Variants in ZFP90 observed in about 807,000 individuals in gnomAD.
ZFP90 encodes zinc finger protein 90 homolog.
A neutral mutation model predicts 60.8 loss-of-function variants in ZFP90; 38 were observed. The ratio of observed to expected loss-of-function variants is 0.62; its 90% CI spans 0.48 to 0.82. ZFP90 has a LOEUF of 0.82. ZFP90 is among the 40% of genes least tolerant of loss of function. ZFP90 has a pLI of 0.00. For synonymous variants in ZFP90, 287 were observed against 264.8 expected (o/e 1.08, Z -0.82); for missense variants, 711 against 759.1 (o/e 0.94, Z 0.74).
rs780417953 is a variant in ZFP90, at chr16:68,564,318, A to G, written c.1531A>G (p.Ser511Gly). The change falls in exon 5 of 5, where the codon AGT becomes GGT. Residue 511 changes from serine to glycine, a missense_variant. By Grantham distance (56) the Ser-to-Gly change is moderately conservative. Transcript: ENST00000563169. Reference sequence around the variant, plus strand: ...TGGGAAAGCTTTCAAAAGGAGTACAAGTTTCATAGAGCATCACAGAATTCA... The same window carrying G: ...TGGGAAAGCTTTCAAAAGGAGTACAGGTTTCATAGAGCATCACAGAATTCA... ...VCGKAFKRST[S>G]FIEHHRIHTG... The G allele has an allele frequency of 1.2e-5, 20 of 1,613,914 alleles. No individual in the cohort carries two copies. The highest frequency in any genetic ancestry group is 3.3e-5 in the South Asian group (3 of 91,084).
chr16:68,559,180 C>G (rs1567407171), intron 4 of ZFP90, among the ~76,000 whole-genome samples: 1 of 152,146 alleles, frequency 6.6e-6, no homozygotes, highest in Admixed American at 6.5e-5. Flanking sequence ...TTCTAGCCTC[C>G]TTTCTTGATT....
At chr16:68,538,718 A>AAG (rs397934885), upstream of ZFP90, among the ~76,000 whole-genome samples, 4 of 151,592 alleles carry the variant, frequency 2.6e-5, no homozygotes, top group African/African-American at 7.3e-5. Context: ...AAAAAAAAAA[A>AAG]GAAAATTTCC....
At chr16:68,544,637 A>G (rs753000646) in intron 2 of ZFP90, among the ~76,000 whole-genome samples, 2 of 152,032 alleles carry the variant, frequency 1.3e-5, no homozygotes, top group Non-Finnish European at 2.9e-5. Context: ...AGGTCACCCA[A>G]ACTTAGACAA....
chr16:68,544,492 C>T (rs879528059), intron 2 of ZFP90, among the ~76,000 whole-genome samples: 13 of 152,134 alleles, frequency 8.5e-5, no homozygotes, highest in Non-Finnish European at 1.5e-4. Context: ...AACCAGATCT[C>T]TTCATGTTAG....
At chr16:68,535,291 T>TA (rs1567388518), upstream of ZFP90, among the ~76,000 whole-genome samples, 2 of 152,318 alleles carry the variant, frequency 1.3e-5, no homozygotes, top group South Asian at 4.1e-4. Context: ...CAGGTTTGGT[T>TA]ACAAATTCTC....
chr16:68,550,350 C>G (rs1043113334), intron 2 of ZFP90, among the ~76,000 whole-genome samples: 2 of 152,140 alleles, frequency 1.3e-5, no homozygotes, highest in Admixed American at 1.3e-4. Flanking sequence ...ACCTCCGCCT[C>G]CTGGGTTCAA....
At chr16:68,556,191 AG>A in intron 2 of ZFP90, among the ~76,000 whole-genome samples, 1 of 152,116 alleles carries the variant, frequency 6.6e-6, no homozygotes, top group Non-Finnish European at 1.5e-5. Flanking sequence ...CCTAACCAAA[AG>A]TACATAGCTC....
intron 2 of ZFP90, among the ~76,000 whole-genome samples, chr16:68,556,966 C>G (rs182120029): frequency 9.5e-4 from 145 of 152,260 alleles, no homozygotes; most frequent in African/African-American, 3.4e-3. Context: ...CATGCGACAG[C>G]CTGGTGAGCC....
exon 3 of ZFP90, chr16:68,575,944 G>T: frequency 2.6e-6 from 1 of 392,140 alleles, no homozygotes; most frequent in South Asian, 1.3e-4. Flanking sequence ...TGCAAATACT[G>T]ACAAAACTGT....
intron 2 of ZFP90, among the ~76,000 whole-genome samples, chr16:68,553,729 C>T (rs138011645): frequency 1.3e-3 from 197 of 152,302 alleles, no homozygotes; most frequent in Middle Eastern, 0.01. Flanking sequence ...AGCAGTCCTC[C>T]TGCCTCAGCC....
upstream of ZFP90, chr16:68,539,107 T>A (rs1247343941): frequency 6.6e-6 from 1 of 152,214 alleles, no homozygotes; most frequent in African/African-American, 2.4e-5. Context: ...GGACAGTGAC[T>A]GGAATACAGG....
At chr16:68,550,369 C>T in intron 2 of ZFP90, among the ~76,000 whole-genome samples, 1 of 152,176 alleles carries the variant, frequency 6.6e-6, no homozygotes, top group East Asian at 1.9e-4. Flanking sequence ...AAGCCATTCT[C>T]CTGCCTCAGC....
rs77373180 is a variant in ZFP90, at chr16:68,552,401, T to C, written c.34-5597T>C. 4.5e-3 allele frequency among the ~76,000 whole-genome samples: 691 copies of C among 152,264 alleles called. 8 individuals carry two copies. Among genetic ancestry groups the C allele is most frequent in the African/African-American group, 0.016 (645 of 41,572 alleles). ...GACACCTGAATGTAGTAGTGTCTTA[T>C]GAGCTGTGCTAGAGAGAGGCCCAGG... On this transcript the variant is annotated intron_variant, in intron 2 of 4. Transcript: ENST00000563169.
upstream of ZFP90, among the ~76,000 whole-genome samples, chr16:68,538,701 T>A (rs2090981148): frequency 2.7e-5 from 2 of 75,408 alleles, no homozygotes; most frequent in Admixed American, 1.2e-4. Flanking sequence ...AGCGAAACTG[T>A]GTCTCAAAAA....
upstream of ZFP90, among the ~76,000 whole-genome samples, chr16:68,538,120 C>A (rs1263605250): frequency 6.6e-6 from 1 of 152,054 alleles, no homozygotes; most frequent in Non-Finnish European, 1.5e-5. Context: ...CCATGTTGGT[C>A]AGGCTGGTCT....
At chr16:68,557,218 G>A (rs1357413121) in intron 2 of ZFP90, 1 of 455,510 alleles carries the variant, frequency 2.2e-6, no homozygotes, top group East Asian at 6.9e-5. Context: ...AAACTCTTGG[G>A]CTCCTGTAAC....
chr16:68,547,836 C>CTCTTTTTTTTTTTTTTTTTTT (rs77688442), intron 2 of ZFP90, among the ~76,000 whole-genome samples: 1 of 136,004 alleles, frequency 7.4e-6, no homozygotes, highest in Non-Finnish European at 1.6e-5. Flanking sequence ...GTTGATCTCT[C>CTCTTTTTTTTTTTTTTTTTTT]TTTTTTTTTT....
intron 2 of ZFP90, among the ~76,000 whole-genome samples, chr16:68,546,712 A>C (rs1194416323): frequency 6.6e-6 from 1 of 152,130 alleles, no homozygotes; most frequent in African/African-American, 2.4e-5. Context: ...GGGATTCATC[A>C]TGTTGGCCAG....
chr16:68,543,105 G>A (rs993278360), intron 2 of ZFP90, among the ~76,000 whole-genome samples: 1 of 152,114 alleles, frequency 6.6e-6, no homozygotes, highest in African/African-American at 2.4e-5. Flanking sequence ...TATTGAGATG[G>A]TGACACCTGA....
Sources: gnomAD v4.1 joint callset for allele counts (sites outside exome capture counted in the v4.1 genomes callset) on GRCh38, gnomAD v4.1.1 for gene constraint, MANE v1.5 for transcripts, NCBI Gene and HGNC (gene_info 2026-07-23, HGNC 2026-07-21) for gene names.